USP29: variants seen among roughly 807,000 people sequenced by gnomAD.
USP29 encodes ubiquitin specific peptidase 29, also known as ubiquitin carboxyl-terminal hydrolase 29.
For synonymous variants in USP29, 386 were observed against 387.4 expected, an observed-to-expected ratio of 1.00 and a Z score of 0.04; for missense variants, 1,102 against 1,069.0, an observed-to-expected ratio of 1.03 and a Z score of -0.43.
Position 57,131,252 on chromosome 19 carries a change from ATG to A in USP29, c.2581_2582del (p.Val861IlefsTer28). The A allele has an allele frequency of 6.2e-7, 1 of 1,614,160 alleles. No homozygotes were observed. On this transcript the variant is annotated frameshift_variant, in exon 4 of 4. Coordinates refer to ENST00000254181, the MANE Select transcript of USP29 (RefSeq NM_020903.3). LOFTEE classifies it low-confidence loss of function (END_TRUNC). The stretch of plus-strand genomic sequence containing the variant: ...AGGCCTGGTTCACATACAACGATCT[ATG>A]TGTATCAGAAATCTCAGAGACCAAA... ...KQAWFTYNDL[C>X]VSEISETKMQ...
At chr19:57,119,493 G>A (rs997795814), upstream of USP29, among the ~76,000 whole-genome samples, 9 of 152,134 alleles carry the variant, frequency 5.9e-5, no homozygotes, top group Non-Finnish European at 8.8e-5. Flanking sequence ...CGCCATCTCC[G>A]CTCACTGCAA....
At position 57,130,017 on chromosome 19, in the gene USP29, G is replaced by A. The variant is rs1211011602; in HGVS notation, c.1342G>A (p.Val448Ile). ...CKACGHAVLK[V>I]EPNNYLSINL... is the part of the protein sequence containing the mutation. ...AGCTTGTGGTCATGCTGTTCTCAAGGTAGAACCTAATAATTATCTCTCCAT... is the reference window on the plus strand; with the variant it reads ...AGCTTGTGGTCATGCTGTTCTCAAGATAGAACCTAATAATTATCTCTCCAT... Residue 448 changes from valine to isoleucine, a missense_variant, in exon 4 of 4, where the codon GTA becomes ATA. Coordinates refer to ENST00000254181, the MANE Select transcript of USP29 (RefSeq NM_020903.3). The A allele has an allele frequency of 2.5e-6, 4 of 1,614,108 alleles. No homozygotes were observed. Among genetic ancestry groups the A allele is most frequent in the Admixed American group, 1.7e-5 (1 of 60,010 alleles).
intron 2 of USP29, among the ~76,000 whole-genome samples, chr19:57,123,630 T>C (rs1177882278): frequency 6.6e-6 from 1 of 152,144 alleles, no homozygotes; most frequent in Non-Finnish European, 1.5e-5. Flanking sequence ...AGTGCCTCTT[T>C]GTAACAAGAA....
In USP29 at chr19:57,131,242, A is replaced by G. The variant is rs117302403; in HGVS notation, c.2567A>G (p.Tyr856Cys). 6,032 of 1,614,228 alleles carry G rather than the reference A, an allele frequency of 3.7e-3. 17 individuals are homozygous for G. Among genetic ancestry groups the G allele is most frequent in the Non-Finnish European group, 4.7e-3 (5,513 of 1,180,046 alleles). ...TTTCAGAAGCAGGCCTGGTTCACATACAACGATCTATGTGTATCAGAAATC... is the reference window on the plus strand; with the variant it reads ...TTTCAGAAGCAGGCCTGGTTCACATGCAACGATCTATGTGTATCAGAAATC... ...YDFQKQAWFT[Y>C]NDLCVSEISE... The change falls in exon 4 of 4, where the codon TAC becomes TGC. Residue 856 changes from tyrosine (Y) to cysteine (C), a missense_variant. Tyr to Cys is a radical substitution (Grantham distance 194, BLOSUM62 -2). Coordinates refer to ENST00000254181, the MANE Select transcript of USP29 (RefSeq NM_020903.3).
Position 57,131,482 on chromosome 19 carries a change from A to T in USP29, c.*38A>T, listed in dbSNP as rs201296112. ...GCCTCACTTCATCCTTGCAAAGAGA[A>T]TCCTGTACTTCATCCTTGCAAAGAG... On this transcript the variant is annotated 3_prime_UTR_variant, in exon 4 of 4. Coordinates refer to ENST00000254181, the MANE Select transcript of USP29 (RefSeq NM_020903.3). 1.3e-6 allele frequency: 2 copies of T among 1,544,960 alleles called. No individual in the cohort carries two copies. The highest frequency in any genetic ancestry group is 2.8e-5 in the African/African-American group (2 of 72,172).
At chr19:57,124,497 TTTTTGTTTTTG>T (rs2086813738) in intron 3 of USP29, among the ~76,000 whole-genome samples, 2 of 150,926 alleles carry the variant, frequency 1.3e-5, no homozygotes, top group East Asian at 2.0e-4. Flanking sequence ...TTTTGTTTTT[TTTTTGTTTTTG>T]TTTTTGTTTT....
intron 1 of USP29, 83 bp from the exon 2 acceptor site, chr19:57,122,242 G>A (rs112129113): frequency 2.6e-5 from 4 of 152,034 alleles, no homozygotes; most frequent in Admixed American, 2.0e-4. Context: ...GGAAAAACCC[G>A]TGATATGGGT....
At chr19:57,124,880 G>A (rs1365815206) in intron 3 of USP29, among the ~76,000 whole-genome samples, 3 of 152,132 alleles carry the variant, frequency 2.0e-5, no homozygotes, top group African/African-American at 7.2e-5. Context: ...ATAGAGTGAT[G>A]TAGTACAACA....
rs752646837 is a variant in USP29 at position 57,131,234 on chromosome 19, G to C, written c.2559G>C (p.Trp853Cys). 1 of 1,614,178 alleles carries C rather than the reference G, an allele frequency of 6.2e-7. No individual in the cohort carries two copies. The highest frequency in any genetic ancestry group is 8.5e-7 in the Non-Finnish European group (1 of 1,180,032). Residue 853 changes from tryptophan (W) to cysteine (C), a missense_variant, in exon 4 of 4, where the codon TGG (tryptophan) becomes TGC (cysteine). Transcript: ENST00000254181. ...SDVYDFQKQAWFTYNDLCVSE... is the reference protein window; with the variant it reads ...SDVYDFQKQACFTYNDLCVSE... Reference sequence around the variant, plus strand: ...TGTATGACTTTCAGAAGCAGGCCTGGTTCACATACAACGATCTATGTGTAT... The same window carrying C: ...TGTATGACTTTCAGAAGCAGGCCTGCTTCACATACAACGATCTATGTGTAT...
chr19:57,129,925 C>G lies in USP29; in HGVS notation c.1250C>G (p.Thr417Ser). 6.2e-7 allele frequency: 1 copy of G among 1,614,156 alleles called. No homozygotes were observed. Among genetic ancestry groups the G allele is most frequent in the Non-Finnish European group, 8.5e-7 (1 of 1,180,036 alleles). Reference protein sequence around the residue: ...SPQMHVGSAATKVFVCPVVAN... With the variant: ...SPQMHVGSAASKVFVCPVVAN... ...CAAATGCATGTTGGTAGTGCTGCCA[C>G]CAAAGTGTTTGTTTGCCCTGTTGTT... Residue 417 changes from threonine (T) to serine (S), a missense_variant, in exon 4 of 4, where the codon ACC (threonine) becomes AGC (serine). By Grantham distance (58) the Thr-to-Ser change is moderately conservative (BLOSUM62 1). Transcript: ENST00000254181.
chr19:57,119,464 C>T (rs1401065526), upstream of USP29, among the ~76,000 whole-genome samples: 2 of 152,176 alleles, frequency 1.3e-5, no homozygotes, highest in Non-Finnish European at 2.9e-5. Flanking sequence ...GCTCTGTCGC[C>T]CAGGCTGGAT....
intron 1 of USP29, among the ~76,000 whole-genome samples, chr19:57,121,260 T>TTA (rs1385700074): frequency 3.4e-5 from 5 of 148,200 alleles, no homozygotes; most frequent in South Asian, 4.2e-4. Context: ...GATATATATG[T>TTA]TATATATATA....
At chr19:57,128,494 C>T in intron 3 of USP29, 166 bp from the exon 4 acceptor site, 1 of 656,600 alleles carries the variant, frequency 1.5e-6, no homozygotes, top group South Asian at 3.7e-5. Context: ...TCTATGTCTT[C>T]TGGAGAACTG....
Position 57,131,196 on chromosome 19 carries a change from T to G in USP29, c.2521T>G (p.Tyr841Asp). ...HIGSSPNSGH[Y>D]ISDVYDFQKQ... The stretch of plus-strand genomic sequence containing the variant: ...CGGGAGCTCCCCAAATTCAGGCCAT[T>G]ACATCAGCGATGTGTATGACTTTCA... Residue 841 changes from tyrosine to aspartate, a missense_variant, in exon 4 of 4, where the codon TAC becomes GAC. Transcript: ENST00000254181. 2 of 1,614,200 alleles carry G rather than the reference T, an allele frequency of 1.2e-6. No homozygotes were observed. The highest frequency in any genetic ancestry group is 1.7e-6 in the Non-Finnish European group (2 of 1,180,044).
In USP29 at chr19:57,130,859, AG is replaced by A; in HGVS notation, c.2186del (p.Gly729GlufsTer15). On this transcript the variant is annotated frameshift_variant, in exon 4 of 4. Coordinates refer to ENST00000254181, the MANE Select transcript of USP29 (RefSeq NM_020903.3). LOFTEE classifies it low-confidence loss of function (END_TRUNC). ...AAAACAGGATTCCAGAAGGATCTCA[AG>A]GAATGGCTGAACAGCTCCAGCAGTG... Reference protein sequence around the residue: ...KENRIPEGSQGMAEQLQQCIE... With the variant: ...KENRIPEGSQXMAEQLQQCIE... The A allele has an allele frequency of 6.2e-7, 1 of 1,614,222 alleles. No homozygotes were observed. Among genetic ancestry groups the A allele is most frequent in the Non-Finnish European group, 8.5e-7 (1 of 1,180,038 alleles).
rs768442783 is a variant in USP29 at position 57,128,668 on chromosome 19, A to G, written c.-8A>G. ...GTGCTTTTCTTCTTTAGGTTACATA[A>G]AGAAAGGATGATATCTCTAAAGGTA... On this transcript the variant is annotated 5_prime_UTR_variant, in exon 4 of 4. Transcript: ENST00000254181. 1 of 1,547,402 alleles carries G rather than the reference A, an allele frequency of 6.5e-7. No homozygotes were observed. The highest frequency in any genetic ancestry group is 8.7e-7 in the Non-Finnish European group (1 of 1,152,840).
At chr19:57,125,799 CCAT>C (rs1448579845) in intron 3 of USP29, among the ~76,000 whole-genome samples, 2 of 151,998 alleles carry the variant, frequency 1.3e-5, no homozygotes, top group South Asian at 2.1e-4. Flanking sequence ...GAATTTGATC[CCAT>C]CATCATGATG....
upstream of USP29, among the ~76,000 whole-genome samples, chr19:57,119,626 T>C (rs926678272): frequency 3.3e-5 from 5 of 152,132 alleles, no homozygotes; most frequent in African/African-American, 1.2e-4. Context: ...TTTCGCCACG[T>C]TGGTCAGGCT....
chr19:57,119,859 C>T (rs747921821), upstream of USP29, among the ~76,000 whole-genome samples: 1 of 152,162 alleles, frequency 6.6e-6, no homozygotes, highest in Non-Finnish European at 1.5e-5. Context: ...TAACTCCTGC[C>T]GTTACGCCCC....
Sources: allele counts gnomAD v4.1 joint callset (sites outside exome capture counted in the v4.1 genomes callset), GRCh38; gene constraint gnomAD v4.1.1; transcripts MANE v1.5; gene names NCBI Gene and HGNC (gene_info 2026-07-23, HGNC 2026-07-21).